The following BCAM variants were observed in gnomAD, a reference collection of about 807,000 sequenced individuals.
BCAM encodes the protein basal cell adhesion molecule (Lutheran blood group).
In BCAM, 61 loss-of-function variants were observed where a neutral mutation model predicts 72.4. That is an observed-to-expected ratio of 0.84 (90% confidence interval 0.69 to 1.04). The LOEUF is 1.04. Ranked by LOEUF, BCAM falls within the 50% of genes least tolerant of loss-of-function variation. BCAM has a pLI of 0.00. For missense variants in BCAM, 909 were observed against 895.0 expected (o/e 1.02, Z -0.20); for synonymous variants, 408 against 384.2 (o/e 1.06, Z -0.73).
Position 44,812,277 on chromosome 19 carries a change from CA to C in BCAM, c.320del (p.Gln107ArgfsTer21). 2 of 1,611,226 alleles carry C rather than the reference CA, an allele frequency of 1.2e-6. No individual in the cohort carries two copies. The highest frequency in any genetic ancestry group is 2.2e-5 in the East Asian group (1 of 44,806). On this transcript the variant is annotated frameshift_variant, in exon 3 of 15. Coordinates refer to ENST00000270233, the MANE Select transcript of BCAM (RefSeq NM_005581.5). LOFTEE classifies it high-confidence loss of function. This position sits in a 1 kb window ranked among gnomAD's most constrained non-coding sequence, Gnocchi z 5.3. ...CAGTCCCCCATACCAGCTGGACTCC[CA>C]GGGGCGCCTGGTGCTGGCTGAGGCC... Reference protein sequence around the residue: ...GRSPPYQLDSQGRLVLAEAQV... With the variant: ...GRSPPYQLDSXGRLVLAEAQV...
intron 1 of BCAM, among the ~76,000 whole-genome samples, 191 bp downstream of exon 1, chr19:44,809,397 G>A (rs986782751): frequency 2.0e-5 from 3 of 152,100 alleles, no homozygotes; most frequent in Admixed American, 6.6e-5. Flanking sequence ...AGGAGAGCTG[G>A]GGATACCCAG....
Position 44,812,919 on chromosome 19 carries a change from C to T in BCAM, c.505-331C>T, listed in dbSNP as rs2122552660. On this transcript the variant is annotated intron_variant, in intron 4 of 14. Transcript: ENST00000270233. The surrounding 1 kb of genome is among the most constrained non-coding windows in gnomAD (Gnocchi z 5.3). ...GAGCTAAGATCACACCACTGCACTC[C>T]AGCCTGGGCCACAGAGCAATACTCC... The T allele has an allele frequency of 2.5e-6, 1 of 400,294 alleles. No individual in the cohort carries two copies. The highest frequency in any genetic ancestry group is 4.9e-5 in the East Asian group (1 of 20,436). 24.8% of individuals were successfully genotyped at this position (400,294 alleles called of 1,614,324 possible).
chr19:44,818,511 C>T lies in BCAM; in HGVS notation c.1079-11C>T. The T allele has an allele frequency of 6.2e-7, 1 of 1,610,818 alleles. No individual in the cohort carries two copies. Among genetic ancestry groups the T allele is most frequent in the Non-Finnish European group, 8.5e-7 (1 of 1,177,536 alleles). On this transcript the variant is annotated splice_polypyrimidine_tract_variant and intron_variant, in intron 8 of 14. Transcript: ENST00000270233. This position sits in a 1 kb window ranked among gnomAD's most constrained non-coding sequence, Gnocchi z 4.6. ...GGTCTGGGACGAGTGACAGACTGTC[C>T]CCCACTGCAGATCTGGACCCCCTGG...
chr19:44,811,611 G>A lies in BCAM; in HGVS notation c.204+265G>A, dbSNP rs1047218373. On this transcript the variant is annotated intron_variant, in intron 2 of 14. Transcript: ENST00000270233. ...CAGACATCAAGAAAGCAGAAGCCAG[G>A]CACGGTGGCTCACGCCTGTAATCCC... is the stretch of plus-strand genomic sequence containing the variant. The A allele has an allele frequency of 1.6e-5, 7 of 440,644 alleles. No homozygotes were observed. The Admixed American group carries it at 2.6e-4, about 16-fold the overall frequency. 27.3% of individuals were successfully genotyped at this position (440,644 alleles called of 1,614,324 possible). A position where few individuals can be genotyped will look rare whatever the true frequency, so the allele number is the denominator to read the frequency against.
chr19:44,818,883 G>T lies in BCAM; in HGVS notation c.1336+1G>T. On this transcript the variant is annotated splice_donor_variant, in intron 10 of 14. Transcript: ENST00000270233. LOFTEE classifies it high-confidence loss of function. This position sits in a 1 kb window ranked among gnomAD's most constrained non-coding sequence, Gnocchi z 4.6. ...CAGAACTTCACGCTGCTGGTCCAAG[G>T]TTCAGGGGGCAGGGAGGGGGTGGGC... 6.2e-7 allele frequency: 1 copy of T among 1,613,546 alleles called. No homozygotes were observed. The highest frequency in any genetic ancestry group is 1.1e-5 in the South Asian group (1 of 90,964).
chr19:44,820,771 G>T lies in BCAM; in HGVS notation c.1830G>T (p.Met610Ile). Residue 610 changes from methionine to isoleucine, a missense_variant, in exon 14 of 15, where the codon ATG (methionine) becomes ATT (isoleucine). By Grantham distance (10) the Met-to-Ile change is conservative. Coordinates refer to ENST00000270233, the MANE Select transcript of BCAM (RefSeq NM_005581.5). The stretch of plus-strand genomic sequence containing the variant: ...AACCAGAGCAGACCGGCCTTCTCAT[G>T]GGAGGTGCCTCCGGAGGAGCCAGGG... ...SEQPEQTGLL[M>I]GGASGGARGG... The T allele has an allele frequency of 6.6e-7, 1 of 1,506,740 alleles. No homozygotes were observed. Among genetic ancestry groups the T allele is most frequent in the East Asian group, 2.5e-5 (1 of 39,272 alleles). 93.3% of individuals were successfully genotyped at this position (1,506,740 alleles called of 1,614,324 possible).
intron 8 of BCAM, among the ~76,000 whole-genome samples, chr19:44,816,283 C>T (rs562835279): frequency 6.6e-6 from 1 of 152,162 alleles, no homozygotes; most frequent in Non-Finnish European, 1.5e-5. Context: ...GCACTCCAGC[C>T]TGGGCAACAG....
At chr19:44,815,220 C>G (rs1407906679) in intron 8 of BCAM, among the ~76,000 whole-genome samples, 1 of 152,136 alleles carries the variant, frequency 6.6e-6, no homozygotes, top group African/African-American at 2.4e-5. Context: ...CATCACCCCC[C>G]AGGCTCCTCT....
Position 44,819,368 on chromosome 19 carries a change from G to T in BCAM, c.1496G>T (p.Arg499Leu), listed in dbSNP as rs772377922. The change falls in exon 12 of 15, where the codon CGG becomes CTG. Residue 499 changes from arginine to leucine, a missense_variant. Transcript: ENST00000270233. Reference sequence around the variant, plus strand: ...TAGCCCGCAGAGCCAATCCCCGGACGGCAGGGTTGGGTGAGCAGCTCTCTG... The same window carrying T: ...TAGCCCGCAGAGCCAATCCCCGGACTGCAGGGTTGGGTGAGCAGCTCTCTG... ...GGSPAEPIPG[R>L]QGWVSSSLTL... The T allele has an allele frequency of 1.2e-6, 2 of 1,613,928 alleles. 1 individual carries two copies. Among genetic ancestry groups the T allele is most frequent in the East Asian group, 4.5e-5 (2 of 44,888 alleles).
In BCAM at chr19:44,814,096, C is replaced by T; in HGVS notation, c.785-56C>T. ...ATGCAGGGCTGACCTCTCGCCTGTC[C>T]TCTAGCCTTGACCCTTCCCCTGATC... On this transcript the variant is annotated intron_variant, in intron 6 of 14. Coordinates refer to ENST00000270233, the MANE Select transcript of BCAM (RefSeq NM_005581.5). This position sits in a 1 kb window ranked among gnomAD's most constrained non-coding sequence, Gnocchi z 4.6. The T allele has an allele frequency of 1.6e-5, 24 of 1,526,322 alleles. No individual in the cohort carries two copies. The highest frequency in any genetic ancestry group is 2.1e-5 in the Non-Finnish European group (24 of 1,144,440). The allele number at this position is 1,526,322 out of a possible 1,614,324, so 94.5% of individuals were successfully genotyped here.
In BCAM at chr19:44,814,854, C is replaced by A; in HGVS notation, c.1078+94C>A. Reference sequence around the variant, plus strand: ...ACAGCCCTGAAGTTGCTCTGTCATCCCAAACACTCTGCCTTCAACCCTTTC... The same window carrying A: ...ACAGCCCTGAAGTTGCTCTGTCATCACAAACACTCTGCCTTCAACCCTTTC... On this transcript the variant is annotated intron_variant, in intron 8 of 14. Transcript: ENST00000270233. This position sits in a 1 kb window ranked among gnomAD's most constrained non-coding sequence, Gnocchi z 4.6. The A allele has an allele frequency of 7.5e-7, 1 of 1,337,414 alleles. No individual in the cohort carries two copies. The allele number at this position is 1,337,414 out of a possible 1,614,324, so 82.8% of individuals were successfully genotyped here.
intron 1 of BCAM, 31 bp downstream of exon 1, chr19:44,809,237 TG>T: frequency 7.1e-7 from 1 of 1,405,812 alleles, no homozygotes; most frequent in Non-Finnish European, 9.3e-7. Flanking sequence ...AAGGTGGGAC[TG>T]GGGAGAGGCC....
At chr19:44,815,287 A>G (rs924452348) in intron 8 of BCAM, among the ~76,000 whole-genome samples, 26 of 152,022 alleles carry the variant, frequency 1.7e-4, no homozygotes, top group African/African-American at 5.3e-4. Context: ...AATCCCTTGA[A>G]TCCCAGGCTT....
Position 44,818,561 on chromosome 19 carries a change from C to T in BCAM, c.1118C>T (p.Ser373Phe). 6.2e-7 allele frequency: 1 copy of T among 1,614,068 alleles called. No individual in the cohort carries two copies. The highest frequency in any genetic ancestry group is 8.5e-7 in the Non-Finnish European group (1 of 1,179,966). ...GAGCTCAGCGAGGGGAAGGTGCTTTCCTTACCTCTAAACAGCAGTGCAGTC... is the reference window on the plus strand; with the variant it reads ...GAGCTCAGCGAGGGGAAGGTGCTTTTCTTACCTCTAAACAGCAGTGCAGTC... ...PLELSEGKVL[S>F]LPLNSSAVVN... Residue 373 changes from serine (S) to phenylalanine (F), a missense_variant, in exon 9 of 15, where the codon TCC (serine) becomes TTC (phenylalanine). Ser to Phe is a radical substitution (Grantham distance 155). Coordinates refer to ENST00000270233, the MANE Select transcript of BCAM (RefSeq NM_005581.5). This position sits in a 1 kb window ranked among gnomAD's most constrained non-coding sequence, Gnocchi z 4.6.
At chr19:44,811,103 C>T in intron 1 of BCAM, 122 bp from the exon 2 acceptor site, 1 of 1,454,536 alleles carries the variant, frequency 6.9e-7, no homozygotes, top group Non-Finnish European at 9.4e-7. Flanking sequence ...GGCACCTGGA[C>T]TCCTGGGTCT....
rs1050468771 is a variant in BCAM at position 44,812,948 on chromosome 19, T to G, written c.505-302T>G. 11 of 309,876 alleles carry G rather than the reference T, an allele frequency of 3.5e-5. No homozygotes were observed. The highest frequency in any genetic ancestry group is 2.0e-4 in the African/African-American group (6 of 30,336). The allele number at this position is 309,876 out of a possible 1,614,324, so 19.2% of individuals were successfully genotyped here. A position where few individuals can be genotyped will look rare whatever the true frequency, so the allele number is the denominator to read the frequency against. On this transcript the variant is annotated intron_variant, in intron 4 of 14. Coordinates refer to ENST00000270233, the MANE Select transcript of BCAM (RefSeq NM_005581.5). The surrounding 1 kb of genome is among the most constrained non-coding windows in gnomAD (Gnocchi z 5.3). ...CTGGGCCACAGAGCAATACTCCGTC[T>G]CAAAAAAAAAAAAAAAAAGAAGAAG...
chr19:44,819,449 A>G lies in BCAM; in HGVS notation c.1577A>G (p.Asn526Ser), dbSNP rs1599889613. 1.9e-6 allele frequency: 3 copies of G among 1,613,750 alleles called. No homozygotes were observed. The highest frequency in any genetic ancestry group is 2.5e-6 in the Non-Finnish European group (3 of 1,179,866). ...SRDGISCEAS[N>S]PHGNKRHVFH... ...GATGGCATCTCCTGTGAAGCCTCCA[A>G]CCCCCACGGGAACAAGCGCCATGTC... The change falls in exon 12 of 15, where the codon AAC becomes AGC. Residue 526 changes from asparagine to serine, a missense_variant. Transcript: ENST00000270233.
Position 44,812,551 on chromosome 19 carries a change from A to T in BCAM, c.504+3A>T. On this transcript the variant is annotated splice_donor_region_variant and intron_variant, in intron 4 of 14. Transcript: ENST00000270233. The surrounding 1 kb of genome is among the most constrained non-coding windows in gnomAD (Gnocchi z 5.3). ...TGATGGAGGACTCTGCCCAGGAGGTACCTCTCGGGTGGACCTTGGCCCCAG... is the reference window on the plus strand; with the variant it reads ...TGATGGAGGACTCTGCCCAGGAGGTTCCTCTCGGGTGGACCTTGGCCCCAG... The T allele has an allele frequency of 6.2e-7, 1 of 1,613,924 alleles. No homozygotes were observed. The highest frequency in any genetic ancestry group is 8.5e-7 in the Non-Finnish European group (1 of 1,179,920).
Position 44,813,508 on chromosome 19 carries a change from G to T in BCAM, c.672G>T (p.Leu224=), listed in dbSNP as rs760971474. The part of the protein sequence containing the change: ...GLLSLTSTLY[L]RLRKDDRDAS... ...TCTCCCTCACCAGCACCCTCTACCTGCGGCTCCGCAAGGATGACCGAGACG... is the reference window on the plus strand; with the variant it reads ...TCTCCCTCACCAGCACCCTCTACCTTCGGCTCCGCAAGGATGACCGAGACG... Residue 224 remains leucine, a synonymous_variant, in exon 6 of 15, where the codon CTG becomes CTT. Coordinates refer to ENST00000270233, the MANE Select transcript of BCAM (RefSeq NM_005581.5). This position sits in a 1 kb window ranked among gnomAD's most constrained non-coding sequence, Gnocchi z 4.2. The T allele has an allele frequency of 4.3e-6, 7 of 1,612,672 alleles. No homozygotes were observed. The South Asian group carries it at 7.7e-5, about 18-fold the overall frequency.
Sources: allele counts gnomAD v4.1 joint callset (sites outside exome capture counted in the v4.1 genomes callset), GRCh38; gene constraint gnomAD v4.1.1; non-coding constraint Gnocchi (gnomAD v3.1); transcripts MANE v1.5; gene names NCBI Gene and HGNC (gene_info 2026-07-23, HGNC 2026-07-21).